Variants in MAF observed in about 807,000 individuals in gnomAD.
MAF encodes MAF bZIP transcription factor, also known as transcription factor Maf.
MAF carries 10 observed loss-of-function variants against 22.0 expected under a neutral mutation model. The ratio of observed to expected loss-of-function variants is 0.45; its 90% CI spans 0.28 to 0.77. The LOEUF (loss-of-function observed/expected upper bound fraction) is 0.77, where lower values mean the gene tolerates loss of function less well. Among genes scored for constraint, MAF ranks in the 30% least tolerant of loss-of-function variants. The probability of loss-of-function intolerance (pLI) is 0.12; values close to 1 mark genes in which losing one functional copy is unlikely to be tolerated. For missense variants in MAF, 544 were observed against 548.4 expected, an observed-to-expected ratio of 0.99 and a Z score of 0.08; for synonymous variants, 337 against 255.8, an observed-to-expected ratio of 1.32 and a Z score of -3.03.
At chr16:79,379,978 T>C in the MAF span, among the ~76,000 whole-genome samples, 1 of 151,980 alleles carries the variant, frequency 6.6e-6, no homozygotes, top group Non-Finnish European at 1.5e-5. Context: ...GTGGGGAAAG[T>C]CAAAAGAAAA....
At chr16:79,399,694 C>A in the MAF span, among the ~76,000 whole-genome samples, 1 of 152,220 alleles carries the variant, frequency 6.6e-6, no homozygotes, top group East Asian at 1.9e-4. Context: ...AGAAACATAA[C>A]CGAGATCAAG....
the MAF span, among the ~76,000 whole-genome samples, chr16:79,502,730 T>C: frequency 0.089 from 7,723 of 86,736 alleles, 700 homozygotes; most frequent in Middle Eastern, 0.15. Context: ...TATATATATA[T>C]ATATATATAT....
the MAF span, among the ~76,000 whole-genome samples, chr16:79,446,634 C>T: frequency 3.9e-5 from 6 of 152,142 alleles, no homozygotes; most frequent in East Asian, 1.9e-4. Context: ...GAAATCAGGC[C>T]GGGCGCAGTG....
chr16:79,489,099 C>G, the MAF span, among the ~76,000 whole-genome samples: 1 of 152,154 alleles, frequency 6.6e-6, no homozygotes, highest in African/African-American at 2.4e-5. Flanking sequence ...CTCTACCCAT[C>G]CATCCATCTA....
the MAF span, among the ~76,000 whole-genome samples, chr16:79,534,543 A>G: frequency 6.9e-6 from 1 of 143,950 alleles, no homozygotes; most frequent in Admixed American, 7.2e-5. Flanking sequence ...AGTACCACCT[A>G]CCTTGGACAC....
At chr16:79,341,893 AC>A in the MAF span, among the ~76,000 whole-genome samples, 16 of 152,218 alleles carry the variant, frequency 1.1e-4, no homozygotes, top group Non-Finnish European at 1.0e-4. Context: ...GGCAGAATGA[AC>A]AGAACAGGGA....
the MAF span, among the ~76,000 whole-genome samples, chr16:79,264,183 T>A: frequency 2.7e-3 from 409 of 152,288 alleles, 1 homozygote; most frequent in Middle Eastern, 6.8e-3. Flanking sequence ...TAAGCAGAGC[T>A]GGGACTTGAA....
the MAF span, among the ~76,000 whole-genome samples, chr16:79,524,928 G>T: frequency 6.6e-6 from 1 of 152,170 alleles, no homozygotes; most frequent in Non-Finnish European, 1.5e-5. Flanking sequence ...ACAGCCACGT[G>T]AGGTTTGCTT....
chr16:79,532,682 T>C, the MAF span, among the ~76,000 whole-genome samples: 1 of 152,198 alleles, frequency 6.6e-6, no homozygotes, highest in African/African-American at 2.4e-5. Flanking sequence ...ATATGCGTCA[T>C]AAAGCATTCG....
chr16:79,222,160 A>C, the MAF span, among the ~76,000 whole-genome samples: 1 of 152,206 alleles, frequency 6.6e-6, no homozygotes, highest in Non-Finnish European at 1.5e-5. Flanking sequence ...CCTACAAGCC[A>C]GAAGAGAAAG....
the MAF span, among the ~76,000 whole-genome samples, chr16:79,371,175 C>G: frequency 1.3e-5 from 2 of 151,690 alleles, no homozygotes; most frequent in Non-Finnish European, 2.9e-5. Context: ...GAGGGCTGGG[C>G]CCTGATGGAA....
At chr16:79,404,105 A>G in the MAF span, among the ~76,000 whole-genome samples, 1 of 151,322 alleles carries the variant, frequency 6.6e-6, no homozygotes, top group African/African-American at 2.4e-5. Context: ...ACCAGAACCT[A>G]CCAGTGAAGA....
the MAF span, among the ~76,000 whole-genome samples, chr16:79,284,920 G>A: frequency 2.0e-5 from 3 of 152,150 alleles, no homozygotes; most frequent in African/African-American, 7.2e-5. Context: ...AACAGTCCAA[G>A]CCTGGATTTC....
At chr16:79,234,430 A>C in the MAF span, among the ~76,000 whole-genome samples, 2 of 152,176 alleles carry the variant, frequency 1.3e-5, no homozygotes, top group Non-Finnish European at 2.9e-5. Flanking sequence ...TTCATTGTCA[A>C]TTTAGTAGCT....
the MAF span, among the ~76,000 whole-genome samples, chr16:79,514,739 T>C: frequency 1.3e-5 from 2 of 152,202 alleles, no homozygotes; most frequent in African/African-American, 2.4e-5. Flanking sequence ...GTAGGCGGCC[T>C]CTATCAATCA....
chr16:79,308,562 T>C, the MAF span, among the ~76,000 whole-genome samples: 1 of 152,208 alleles, frequency 6.6e-6, no homozygotes, highest in Non-Finnish European at 1.5e-5. Flanking sequence ...GATCATAAAG[T>C]ATGCTTTATT....
the MAF span, among the ~76,000 whole-genome samples, chr16:79,579,454 T>C: frequency 2.0e-5 from 3 of 152,198 alleles, no homozygotes; most frequent in Non-Finnish European, 4.4e-5. Context: ...TTTTCAAATA[T>C]TTATTTTATG....
the MAF span, among the ~76,000 whole-genome samples, chr16:79,324,209 A>G: frequency 5.3e-5 from 8 of 152,322 alleles, no homozygotes; most frequent in East Asian, 9.6e-4. Context: ...ATAGGATAAA[A>G]TGAAATGCTG....
chr16:79,530,753 C>T, the MAF span, among the ~76,000 whole-genome samples: 1 of 152,080 alleles, frequency 6.6e-6, no homozygotes, highest in Non-Finnish European at 1.5e-5. Context: ...AATTAACGAT[C>T]AATTGTGGTT....
Sources: gnomAD v4.1 joint callset for allele counts (sites outside exome capture counted in the v4.1 genomes callset) on GRCh38, gnomAD v4.1.1 for gene constraint, MANE v1.5 for transcripts, NCBI Gene and HGNC (gene_info 2026-07-23, HGNC 2026-07-21) for gene names.